The following CNTN5 variants were observed in gnomAD, a reference collection of about 807,000 sequenced individuals.
CNTN5 encodes the protein contactin-5.
Under a neutral mutation model 129.1 loss-of-function variants are expected in CNTN5, and 77 were observed. The observed-to-expected ratio is 0.60, with a 90% confidence interval of 0.50 to 0.72. The LOEUF is 0.72. Ranked by LOEUF, CNTN5 falls within the 30% of genes least tolerant of loss-of-function variation. The pLI, the probability that CNTN5 is intolerant of heterozygous loss-of-function variation, is 0.00. For missense variants in CNTN5, 1,478 were observed against 1,328.8 expected, an observed-to-expected ratio of 1.11 and a Z score of -1.75; for synonymous variants, 509 against 465.6, an observed-to-expected ratio of 1.09 and a Z score of -1.20.
At chr11:99,049,246 T>TGAGCAATTGACGTAATTG (rs1183761422) in intron 1 of CNTN5, among the ~76,000 whole-genome samples, 27 of 152,198 alleles carry the variant, frequency 1.8e-4, no homozygotes, top group Non-Finnish European at 4.4e-5. Context: ...TAATTTAACT[T>TGAGCAATTGACGTAATTG]GAGCAATTGA....
At chr11:99,725,540 TTTGCC>T (rs66494432) in intron 3 of CNTN5, among the ~76,000 whole-genome samples, 90,162 of 151,508 alleles carry the variant, frequency 0.6, 27,217 homozygotes, top group East Asian at 0.83. Context: ...CATTTTAATC[TTTGCC>T]TTGCCTTTGT....
At chr11:99,234,351 G>A (rs77681229) in intron 1 of CNTN5, among the ~76,000 whole-genome samples, 2,362 of 152,192 alleles carry the variant, frequency 0.016, 52 homozygotes, top group African/African-American at 0.053. Context: ...AAGACAGAAG[G>A]AGGGCCAAAA....
intron 8 of CNTN5, among the ~76,000 whole-genome samples, chr11:99,975,482 C>G (rs117549531): frequency 6.6e-6 from 1 of 152,128 alleles, no homozygotes; most frequent in Non-Finnish European, 1.5e-5. Context: ...TTAGCCCATT[C>G]TCACACTGCT....
At chr11:99,295,593 T>C (rs1242922784) in intron 1 of CNTN5, among the ~76,000 whole-genome samples, 1 of 152,220 alleles carries the variant, frequency 6.6e-6, no homozygotes, top group Admixed American at 6.5e-5. Flanking sequence ...TTTTGACTGA[T>C]TGGCCGGGCG....
intron 9 of CNTN5, among the ~76,000 whole-genome samples, chr11:100,046,479 C>CT (rs1403931968): frequency 1.3e-5 from 2 of 152,026 alleles, no homozygotes; most frequent in African/African-American, 2.4e-5. Flanking sequence ...TATTTTTCTT[C>CT]TTTTTTTAAC....
intron 3 of CNTN5, among the ~76,000 whole-genome samples, chr11:99,658,624 C>CT (rs774970781): frequency 5.9e-4 from 88 of 148,800 alleles, no homozygotes; most frequent in South Asian, 2.0e-3. Context: ...GTAATCCCAG[C>CT]ACTTTGGGAG....
chr11:99,742,505 T>A (rs1943917968), intron 3 of CNTN5, among the ~76,000 whole-genome samples: 1 of 152,184 alleles, frequency 6.6e-6, no homozygotes, highest in Non-Finnish European at 1.5e-5. Flanking sequence ...GAGCTTTAAA[T>A]AGAGTTGTGG....
At chr11:99,047,758 T>C (rs1864271227) in intron 1 of CNTN5, among the ~76,000 whole-genome samples, 1 of 152,076 alleles carries the variant, frequency 6.6e-6, no homozygotes, top group South Asian at 2.1e-4. Context: ...GGACTGACAT[T>C]TTCACAGCTC....
chr11:100,068,456 G>A lies in CNTN5; in HGVS notation c.1163-1968G>A, dbSNP rs528079525. On this transcript the variant is annotated intron_variant, in intron 10 of 24. Transcript: ENST00000524871. The stretch of plus-strand genomic sequence containing the variant: ...TAGAACACTCTATGTAGAGTGAACA[G>A]TTTAAATAAAATACAGTGTGTGCTT... Among the ~76,000 whole-genome samples the A allele has an allele frequency of 2.0e-5, 3 of 152,234 alleles. No individual in the cohort carries two copies. In the South Asian group the frequency reaches 6.2e-4, roughly 32 times the overall value.
intron 21 of CNTN5, among the ~76,000 whole-genome samples, chr11:100,310,436 ATTC>A (rs747727818): frequency 3.3e-5 from 5 of 151,908 alleles, no homozygotes; most frequent in Non-Finnish European, 7.4e-5. Flanking sequence ...CATGTGCACA[ATTC>A]TTCTCTTCCT....
intron 3 of CNTN5, among the ~76,000 whole-genome samples, chr11:99,624,261 ATTG>A (rs2135776613): frequency 6.6e-6 from 1 of 151,962 alleles, no homozygotes; most frequent in Admixed American, 6.6e-5. Flanking sequence ...AGTTGTTTTA[ATTG>A]TTGATCCTTT....
At chr11:99,672,299 C>T (rs1223775654) in intron 3 of CNTN5, among the ~76,000 whole-genome samples, 2 of 152,046 alleles carry the variant, frequency 1.3e-5, no homozygotes, top group Non-Finnish European at 2.9e-5. Context: ...AGGAAAGTAC[C>T]AGTGTTGCCA....
At chr11:99,326,730 C>A (rs1865802036) in intron 2 of CNTN5, among the ~76,000 whole-genome samples, 1 of 151,550 alleles carries the variant, frequency 6.6e-6, no homozygotes, top group South Asian at 2.1e-4. Context: ...AAAGCAACCA[C>A]ATAAAAGAAA....
chr11:99,136,979 T>G (rs1264367250), intron 1 of CNTN5, among the ~76,000 whole-genome samples: 2 of 152,186 alleles, frequency 1.3e-5, no homozygotes. Flanking sequence ...AATATTCAAA[T>G]TTTTTATCAC....
chr11:99,832,297 C>T (rs78035514), intron 4 of CNTN5, among the ~76,000 whole-genome samples: 5,282 of 152,212 alleles, frequency 0.035, 136 homozygotes, highest in South Asian at 0.093. Context: ...CAAATCCCAA[C>T]GAGGCAAAAA....
intron 3 of CNTN5, among the ~76,000 whole-genome samples, chr11:99,699,608 T>A (rs1954430924): frequency 6.6e-6 from 1 of 151,496 alleles, no homozygotes; most frequent in Non-Finnish European, 1.5e-5. Flanking sequence ...CCTAGCGAAG[T>A]ATTAAGTGTA....
intron 2 of CNTN5, among the ~76,000 whole-genome samples, chr11:99,416,619 G>A (rs538519591): frequency 6.6e-6 from 1 of 152,166 alleles, no homozygotes; most frequent in African/African-American, 2.4e-5. Context: ...AAGTATCTGG[G>A]GCCGGTGTCA....
intron 1 of CNTN5, among the ~76,000 whole-genome samples, chr11:99,111,382 A>G (rs1857788752): frequency 6.6e-6 from 1 of 152,036 alleles, no homozygotes; most frequent in Non-Finnish European, 1.5e-5. Context: ...TAGAAAAGGT[A>G]CAAATTCTGT....
At chr11:99,981,810 T>C (rs1938366826) in intron 8 of CNTN5, among the ~76,000 whole-genome samples, 1 of 152,228 alleles carries the variant, frequency 6.6e-6, no homozygotes, top group African/African-American at 2.4e-5. Context: ...CTTATCACTA[T>C]GCTTGTAGCA....
Sources: gnomAD v4.1 joint callset for allele counts (sites outside exome capture counted in the v4.1 genomes callset) on GRCh38, gnomAD v4.1.1 for gene constraint, MANE v1.5 for transcripts, NCBI Gene and HGNC (gene_info 2026-07-23, HGNC 2026-07-21) for gene names.